RBFOX1: variants seen among roughly 807,000 people sequenced by gnomAD.
RBFOX1 encodes the protein RNA binding protein fox-1 homolog 1.
RBFOX1 carries 8 observed loss-of-function variants against 57.7 expected under a neutral mutation model. That is an observed-to-expected ratio of 0.14 (90% CI 0.08 to 0.25). RBFOX1 has a LOEUF of 0.25. RBFOX1 is among the 10% of genes least tolerant of loss of function. The pLI is 1.00. For missense variants in RBFOX1, 611 were observed against 548.5 expected (o/e 1.11, Z -1.14); for synonymous variants, 326 against 222.4 (o/e 1.47, Z -4.15).
At chr16:7,177,140 T>G (rs1490734104) in intron 4 of RBFOX1, among the ~76,000 whole-genome samples, 1 of 152,182 alleles carries the variant, frequency 6.6e-6, no homozygotes, top group African/African-American at 2.4e-5. Context: ...AACACGACAC[T>G]TTGCTGACTG....
At position 6,859,158 on chromosome 16, in the gene RBFOX1, T is replaced by C. The variant is rs1289795971; in HGVS notation, c.-15-192899T>C. Among the ~76,000 whole-genome samples, 89 of 89,240 alleles carry C rather than the reference T, an allele frequency of 1.0e-3. 1 individual carries two copies. Among genetic ancestry groups the C allele is most frequent in the African/African-American group, 4.0e-3 (70 of 17,682 alleles). 58.5% of individuals were successfully genotyped at this position (89,240 alleles called of 152,430 possible). A position where few individuals can be genotyped will look rare whatever the true frequency, so the allele number is the denominator to read the frequency against. Reference sequence around the variant, plus strand: ...ATATATACGTATATATATATGTATATATATACGTATATATATGTATATATA... The same window carrying C: ...ATATATACGTATATATATATGTATACATATACGTATATATATGTATATATA... On this transcript the variant is annotated intron_variant, in intron 3 of 15. Coordinates refer to ENST00000550418, the MANE Select transcript of RBFOX1 (RefSeq NM_018723.4).
chr16:6,963,018 G>A (rs1458903647), intron 3 of RBFOX1, among the ~76,000 whole-genome samples: 1 of 152,172 alleles, frequency 6.6e-6, no homozygotes, highest in Non-Finnish European at 1.5e-5. Flanking sequence ...AATCAGCTCT[G>A]TAAACCTTGG....
intron 1 of RBFOX1, among the ~76,000 whole-genome samples, chr16:6,041,931 G>C (rs2095440687): frequency 6.6e-6 from 1 of 152,102 alleles, no homozygotes; most frequent in Non-Finnish European, 1.5e-5. Flanking sequence ...CAGGGTGTCA[G>C]CAGAGCTTCT....
At chr16:6,927,366 T>G (rs2075775821) in intron 3 of RBFOX1, among the ~76,000 whole-genome samples, 1 of 122,446 alleles carries the variant, frequency 8.2e-6, no homozygotes, top group Non-Finnish European at 1.6e-5. Context: ...TGAGCTGAGA[T>G]CGCACCGCTC....
chr16:6,695,198 T>A (rs2060833010), intron 3 of RBFOX1, among the ~76,000 whole-genome samples: 1 of 151,830 alleles, frequency 6.6e-6, no homozygotes, highest in Admixed American at 6.6e-5. Flanking sequence ...GGCGGTTGGG[T>A]CGCCTGATGT....
chr16:5,989,156 TAAA>T (rs71404568), intron 4 of RBFOX1, among the ~76,000 whole-genome samples: 2 of 134,010 alleles, frequency 1.5e-5, no homozygotes, highest in Non-Finnish European at 1.6e-5. Flanking sequence ...CTGTCTCTAC[TAAA>T]AAAAAAAAAA....
At chr16:6,575,054 A>C (rs1249258474) in intron 2 of RBFOX1, among the ~76,000 whole-genome samples, 1 of 151,544 alleles carries the variant, frequency 6.6e-6, no homozygotes, top group African/African-American at 2.4e-5. Flanking sequence ...AAAAAAAAAA[A>C]AAAAAAAACA....
chr16:6,393,796 A>G (rs1173159427), intron 2 of RBFOX1, among the ~76,000 whole-genome samples: 1 of 152,182 alleles, frequency 6.6e-6, no homozygotes, highest in Non-Finnish European at 1.5e-5. Flanking sequence ...TTTATGGGTG[A>G]CCAATTAATT....
At chr16:7,494,976 T>A (rs548502192) in intron 4 of RBFOX1, among the ~76,000 whole-genome samples, 1 of 152,218 alleles carries the variant, frequency 6.6e-6, no homozygotes, top group South Asian at 2.1e-4. Context: ...CATTCCTTCC[T>A]GCCATTTTAG....
intron 1 of RBFOX1, among the ~76,000 whole-genome samples, chr16:6,074,157 C>T (rs1022462421): frequency 1.3e-4 from 20 of 152,030 alleles, no homozygotes; most frequent in South Asian, 4.1e-4. Context: ...ACCATGTTAG[C>T]CATCATGGTC....
intron 3 of RBFOX1, among the ~76,000 whole-genome samples, chr16:6,791,425 C>T (rs1197298037): frequency 6.6e-6 from 1 of 152,124 alleles, no homozygotes; most frequent in Admixed American, 6.5e-5. Context: ...AAGTTCAGGG[C>T]CCCTTCCTAA....
intron 4 of RBFOX1, among the ~76,000 whole-genome samples, chr16:7,449,091 G>A (rs1018124828): frequency 2.6e-5 from 4 of 151,750 alleles, no homozygotes; most frequent in Admixed American, 6.6e-5. Context: ...CAGCATGCCC[G>A]GCTAACTTTG....
chr16:5,700,435 A>G (rs369168968), intron 3 of RBFOX1, among the ~76,000 whole-genome samples: 2 of 152,028 alleles, frequency 1.3e-5, no homozygotes, highest in Non-Finnish European at 2.9e-5. Context: ...CTGTTATTCT[A>G]TTGGCTCACG....
chr16:6,700,854 C>G (rs2061710502), intron 3 of RBFOX1, among the ~76,000 whole-genome samples: 2 of 152,052 alleles, frequency 1.3e-5, no homozygotes, highest in Admixed American at 6.6e-5. Context: ...TGAAAACTTG[C>G]ACTAGGAGTG....
intron 4 of RBFOX1, among the ~76,000 whole-genome samples, chr16:5,879,189 A>G (rs1833608010): frequency 6.6e-6 from 1 of 152,176 alleles, no homozygotes; most frequent in Non-Finnish European, 1.5e-5. Flanking sequence ...GGTTTTAGCT[A>G]ATGGGGACTG....
chr16:6,887,509 G>T (rs375413294), intron 3 of RBFOX1, among the ~76,000 whole-genome samples: 1 of 152,076 alleles, frequency 6.6e-6, no homozygotes, highest in South Asian at 2.1e-4. Flanking sequence ...CATTAATCAT[G>T]TATATTAGGT....
At chr16:5,975,419 A>G (rs940014466) in intron 4 of RBFOX1, among the ~76,000 whole-genome samples, 5 of 152,216 alleles carry the variant, frequency 3.3e-5, no homozygotes, top group African/African-American at 7.2e-5. Flanking sequence ...ACATTACTCA[A>G]AAGCTCATCT....
intron 3 of RBFOX1, among the ~76,000 whole-genome samples, chr16:6,878,326 G>C (rs139004797): frequency 6.6e-6 from 1 of 152,230 alleles, no homozygotes; most frequent in African/African-American, 2.4e-5. Flanking sequence ...GACAGGTGCT[G>C]GAACATTTTA....
intron 4 of RBFOX1, among the ~76,000 whole-genome samples, chr16:7,234,585 C>T (rs1423705914): frequency 2.1e-5 from 2 of 97,246 alleles, no homozygotes; most frequent in African/African-American, 1.1e-4. Context: ...CATGTGTATA[C>T]ATATGTGTGT....
Sources: gnomAD v4.1 joint callset for allele counts (sites outside exome capture counted in the v4.1 genomes callset) on GRCh38, gnomAD v4.1.1 for gene constraint, MANE v1.5 for transcripts, NCBI Gene and HGNC (gene_info 2026-07-23, HGNC 2026-07-21) for gene names.